ATP6V1B1: variants seen among roughly 807,000 people sequenced by gnomAD.
ATP6V1B1 encodes ATPase H+ transporting V1 subunit B1, also known as V-type proton ATPase subunit B, kidney isoform.
Under a neutral mutation model 62.1 loss-of-function variants are expected in ATP6V1B1, and 41 were observed. The observed-to-expected ratio is 0.66, with a 90% CI of 0.51 to 0.86. The LOEUF (loss-of-function observed/expected upper bound fraction) is 0.86. Among genes scored for constraint, ATP6V1B1 ranks in the 40% least tolerant of loss-of-function variants. The probability of loss-of-function intolerance (pLI) is 0.00; values close to 1 mark genes in which losing one functional copy is unlikely to be tolerated. For synonymous variants in ATP6V1B1, 253 were observed against 273.4 expected, an observed-to-expected ratio of 0.93 and a Z score of 0.74; for missense variants, 651 against 697.5, an observed-to-expected ratio of 0.93 and a Z score of 0.75.
chr2:70,940,320 T>C (rs1169545579), intron 1 of ATP6V1B1: 1 of 945,602 alleles, frequency 1.1e-6, no homozygotes, highest in African/African-American at 1.8e-5. Context: ...TTCTGGTCCT[T>C]GGGCCCCATC....
In ATP6V1B1 at chr2:70,957,250, A is replaced by AATGTATAT. The variant is rs1338125853; in HGVS notation, c.175-794_175-793insGTATATAT. Among the ~76,000 whole-genome samples the AATGTATAT allele has an allele frequency of 8.3e-4, 120 of 144,908 alleles. 1 individual carries two copies. Among genetic ancestry groups the AATGTATAT allele is most frequent in the East Asian group, 4.7e-3 (23 of 4,908 alleles). ...ACAGGTGTGCACCACCACACCTGGC[A>AATGTATAT]ATATATATATATATATATATAGCAT... is the stretch of plus-strand genomic sequence containing the variant. On this transcript the variant is annotated intron_variant, in intron 2 of 13. Transcript: ENST00000234396.
intron 2 of ATP6V1B1, chr2:70,944,254 G>C (rs1375530434): frequency 7.8e-7 from 1 of 1,284,242 alleles, no homozygotes; most frequent in Non-Finnish European, 1.0e-6. Flanking sequence ...CCCCACCAAA[G>C]GTAAGTGGGC....
intron 2 of ATP6V1B1, among the ~76,000 whole-genome samples, chr2:70,949,208 GAGA>G (rs1179206379): frequency 6.6e-6 from 1 of 152,124 alleles, no homozygotes; most frequent in African/African-American, 2.4e-5. Flanking sequence ...TCAGTCCCTT[GAGA>G]GCCAAGGGAC....
chr2:70,956,740 G>A (rs994642415), intron 2 of ATP6V1B1, among the ~76,000 whole-genome samples: 5 of 151,908 alleles, frequency 3.3e-5, no homozygotes, highest in East Asian at 1.9e-4. Context: ...GCAGGTGCCC[G>A]CCACCATGCC....
In ATP6V1B1 at chr2:70,961,599, A is replaced by T. The variant is rs1553420111; in HGVS notation, c.691A>T (p.Asn231Tyr). 1 of 1,614,056 alleles carries T rather than the reference A, an allele frequency of 6.2e-7. No individual in the cohort carries two copies. The highest frequency in any genetic ancestry group is 1.3e-5 in the African/African-American group (1 of 75,064). ...FAIVFAAMGV[N>Y]METARFFKSD... ...GCCCACCCTGCTGTGTATCCAGGTG[A>T]ACATGGAGACAGCCAGATTCTTCAA... Residue 231 changes from asparagine to tyrosine, a missense_variant, in exon 8 of 14, where the codon AAC becomes TAC. Transcript: ENST00000234396.
chr2:70,950,932 A>ATTTTTTT lies in ATP6V1B1; in HGVS notation c.175-7093_175-7087dup, dbSNP rs55871344. ...ACTGTGTGTGCATAATTTTTTCCTG[A>ATTTTTTT]TTTTTTTTTTTTTTTTTTTTTTTTT... On this transcript the variant is annotated intron_variant, in intron 2 of 13. Transcript: ENST00000234396. Among the ~76,000 whole-genome samples, 335 of 64,622 alleles carry ATTTTTTT rather than the reference A, an allele frequency of 5.2e-3. 43 individuals are homozygous for ATTTTTTT. Among genetic ancestry groups the ATTTTTTT allele is most frequent in the African/African-American group, 0.02 (311 of 15,678 alleles). The allele number at this position is 64,622 out of a possible 152,430, so 42.4% of individuals were successfully genotyped here.
At chr2:70,941,781 C>A in intron 1 of ATP6V1B1, 1 of 985,680 alleles carries the variant, frequency 1.0e-6, no homozygotes, top group Non-Finnish European at 1.2e-6. Context: ...CAGGCCAAAC[C>A]TCGAAGTCCT....
chr2:70,958,467 C>T, intron 4 of ATP6V1B1, 41 bp downstream of exon 4: 1 of 1,576,532 alleles, frequency 6.3e-7, no homozygotes, highest in Non-Finnish European at 8.7e-7. Flanking sequence ...TGCTCCTCTG[C>T]CCTCCCAGCC....
In ATP6V1B1 at chr2:70,959,604, C is replaced by G. The variant is rs953704339; in HGVS notation, c.446-335C>G. On this transcript the variant is annotated intron_variant, in intron 5 of 13. Coordinates refer to ENST00000234396, the MANE Select transcript of ATP6V1B1 (RefSeq NM_001692.4). The surrounding 1 kb of genome is among the most constrained non-coding windows in gnomAD (Gnocchi z 4.2). ...TAGTATCTGGAGGTGGTGATGAGGG[C>G]TCTGCCCTCTTGGGCCCTGAAGCCT... 3.3e-5 allele frequency among the ~76,000 whole-genome samples: 5 copies of G among 152,238 alleles called. No individual in the cohort carries two copies. The highest frequency in any genetic ancestry group is 7.3e-5 in the Non-Finnish European group (5 of 68,042).
chr2:70,958,157 A>C lies in ATP6V1B1; in HGVS notation c.273+13A>C. 1 of 1,613,220 alleles carries C rather than the reference A, an allele frequency of 6.2e-7. No individual in the cohort carries two copies. On this transcript the variant is annotated intron_variant, in intron 3 of 13. Coordinates refer to ENST00000234396, the MANE Select transcript of ATP6V1B1 (RefSeq NM_001692.4). The stretch of plus-strand genomic sequence containing the variant: ...GGCGATTGTTCAGGTGAGTGGGGTC[A>C]ATGGGACATTGGCTAGTTAAATCAA...
chr2:70,943,311 T>C, intron 1 of ATP6V1B1: 2 of 491,248 alleles, frequency 4.1e-6, no homozygotes, highest in Non-Finnish European at 7.5e-6. Flanking sequence ...TGGAAAATGC[T>C]TGGAGTGAGA....
At position 70,964,884 on chromosome 2, in the gene ATP6V1B1, G is replaced by A. The variant is rs782294404; in HGVS notation, c.1378+19G>A. 7.4e-6 allele frequency: 12 copies of A among 1,614,070 alleles called. No homozygotes were observed. The highest frequency in any genetic ancestry group is 8.5e-6 in the Non-Finnish European group (10 of 1,180,032). On this transcript the variant is annotated intron_variant, in intron 13 of 13. Transcript: ENST00000234396. ...AATCAGGGTAAGGCGCGTCGCTGGTGTGGAGCCAGTAACCTCTTCACCCTC... is the reference window on the plus strand; with the variant it reads ...AATCAGGGTAAGGCGCGTCGCTGGTATGGAGCCAGTAACCTCTTCACCCTC...
chr2:70,948,661 T>G (rs564546098), intron 2 of ATP6V1B1: 45 of 152,272 alleles, frequency 3.0e-4, no homozygotes, highest in African/African-American at 1.1e-3. Flanking sequence ...GCCTGGGTGT[T>G]CGGAGCTCCT....
chr2:70,961,954 A>G lies in ATP6V1B1; in HGVS notation c.785+261A>G, dbSNP rs1460435825. On this transcript the variant is annotated intron_variant, in intron 8 of 13. Coordinates refer to ENST00000234396, the MANE Select transcript of ATP6V1B1 (RefSeq NM_001692.4). ...CAACCCATGTCCAGCCACCATTCCA[A>G]CTCAGGGCTCCTCATCTCTGTGTCA... is the stretch of plus-strand genomic sequence containing the variant. 5.5e-6 allele frequency: 3 copies of G among 542,636 alleles called. No individual in the cohort carries two copies. In the African/African-American group the frequency reaches 5.7e-5, roughly 10 times the overall value. 33.6% of individuals were successfully genotyped at this position (542,636 alleles called of 1,614,324 possible). A position where few individuals can be genotyped will look rare whatever the true frequency, so the allele number is the denominator to read the frequency against.
rs1553419662 is a variant in ATP6V1B1 at position 70,959,519 on chromosome 2, A to G, written c.446-420A>G. Among the ~76,000 whole-genome samples the G allele has an allele frequency of 6.6e-6, 1 of 152,236 alleles. No homozygotes were observed. The highest frequency in any genetic ancestry group is 2.4e-5 in the African/African-American group (1 of 41,466). ...ACACAGAAAGTCAGTGGCAGAGCACAGAAGACTCATCTGCTCAGACAGGAG... is the reference window on the plus strand; with the variant it reads ...ACACAGAAAGTCAGTGGCAGAGCACGGAAGACTCATCTGCTCAGACAGGAG... On this transcript the variant is annotated intron_variant, in intron 5 of 13. Transcript: ENST00000234396. This position sits in a 1 kb window ranked among gnomAD's most constrained non-coding sequence, Gnocchi z 4.2.
intron 4 of ATP6V1B1, among the ~76,000 whole-genome samples, 155 bp from the exon 5 acceptor site, chr2:70,958,863 C>T (rs1425484040): frequency 1.3e-5 from 2 of 152,112 alleles, no homozygotes; most frequent in African/African-American, 4.8e-5. Context: ...GTCCTTGTAG[C>T]TGGCTCTCTG....
At chr2:70,940,629 G>T in intron 1 of ATP6V1B1, 1 of 985,314 alleles carries the variant, frequency 1.0e-6, no homozygotes, top group Non-Finnish European at 1.2e-6. Flanking sequence ...ACCCTTTCTC[G>T]TTGAGGAGTC....
intron 8 of ATP6V1B1, 59 bp downstream of exon 8, chr2:70,961,752 G>C: frequency 3.9e-6 from 6 of 1,520,830 alleles, no homozygotes; most frequent in Non-Finnish European, 5.5e-6. Flanking sequence ...CCCCTTCCAA[G>C]ACCTACAGTA....
At position 70,959,007 on chromosome 2, in the gene ATP6V1B1, T is replaced by C. The variant is rs1680515591; in HGVS notation, c.368-11T>C. ...CCTGAGCACCCTGCAACACTCCTCG[T>C]CCACCCTCAGGTCGGGTTTTCAATG... On this transcript the variant is annotated splice_polypyrimidine_tract_variant and intron_variant, in intron 4 of 13. Transcript: ENST00000234396. This position sits in a 1 kb window ranked among gnomAD's most constrained non-coding sequence, Gnocchi z 4.2. The C allele has an allele frequency of 6.2e-7, 1 of 1,613,860 alleles. No individual in the cohort carries two copies. Among genetic ancestry groups the C allele is most frequent in the African/African-American group, 1.3e-5 (1 of 74,926 alleles).
Sources: allele counts gnomAD v4.1 joint callset (sites outside exome capture counted in the v4.1 genomes callset), GRCh38; gene constraint gnomAD v4.1.1; non-coding constraint Gnocchi (gnomAD v3.1); transcripts MANE v1.5; gene names NCBI Gene and HGNC (gene_info 2026-07-23, HGNC 2026-07-21).